The following FRMD5 variants were observed in gnomAD, a reference collection of about 807,000 sequenced individuals.
FRMD5 encodes the protein FERM domain-containing protein 5.
FRMD5 carries 20 observed loss-of-function variants against 69.0 expected under a neutral mutation model. That is an observed-to-expected ratio of 0.29 (90% CI 0.20 to 0.42). The LOEUF (loss-of-function observed/expected upper bound fraction) is 0.42, where lower values mean the gene tolerates loss of function less well. Ranked by LOEUF, FRMD5 falls within the 10% of genes least tolerant of loss-of-function variation. FRMD5 has a pLI of 1.00. For missense variants in FRMD5, 595 were observed against 708.6 expected (o/e 0.84, Z 1.82); for synonymous variants, 271 against 260.1 (o/e 1.04, Z -0.40).
chr15:44,124,943 G>A (rs1262055154), intron 1 of FRMD5, among the ~76,000 whole-genome samples: 1 of 152,132 alleles, frequency 6.6e-6, no homozygotes, highest in African/African-American at 2.4e-5. Flanking sequence ...GGGCAATATA[G>A]TGAGATCTCA....
intron 8 of FRMD5, among the ~76,000 whole-genome samples, chr15:43,890,531 A>G (rs1290858496): frequency 6.6e-6 from 1 of 152,194 alleles, no homozygotes; most frequent in African/African-American, 2.4e-5. Flanking sequence ...AAGAATATCA[A>G]ATAGCCCAGA....
intron 1 of FRMD5, among the ~76,000 whole-genome samples, chr15:44,035,256 C>T (rs1891855847): frequency 6.6e-6 from 1 of 152,130 alleles, no homozygotes; most frequent in Non-Finnish European, 1.5e-5. Context: ...CTTGCCATGC[C>T]ATGCTGACAA....
chr15:43,976,124 A>G (rs1340673608), intron 1 of FRMD5, among the ~76,000 whole-genome samples: 2 of 152,036 alleles, frequency 1.3e-5, no homozygotes, highest in African/African-American at 2.4e-5. Context: ...TTAAAAAAAA[A>G]AAAACTTAAA....
At chr15:44,048,960 G>A (rs529769544) in intron 1 of FRMD5, among the ~76,000 whole-genome samples, 21 of 152,180 alleles carry the variant, frequency 1.4e-4, no homozygotes, top group African/African-American at 5.1e-4. Flanking sequence ...GTACTTCTTG[G>A]CGGAAAGGCA....
At chr15:43,908,853 G>T (rs908493390) in intron 5 of FRMD5, among the ~76,000 whole-genome samples, 1 of 152,134 alleles carries the variant, frequency 6.6e-6, no homozygotes, top group Non-Finnish European at 1.5e-5. Flanking sequence ...TGAGCACACT[G>T]AACTAAAAGG....
intron 1 of FRMD5, among the ~76,000 whole-genome samples, chr15:44,030,852 C>T (rs758148795): frequency 6.6e-6 from 1 of 151,716 alleles, no homozygotes; most frequent in Admixed American, 6.6e-5. Flanking sequence ...CTTAAGAGTG[C>T]AAAGTCTGAA....
intron 1 of FRMD5, among the ~76,000 whole-genome samples, chr15:43,951,053 A>G (rs2090018332): frequency 1.3e-5 from 2 of 152,218 alleles, no homozygotes; most frequent in Non-Finnish European, 1.5e-5. Flanking sequence ...TAATTAGCAT[A>G]TGCATCACCT....
At chr15:44,027,441 C>T (rs142908203) in intron 1 of FRMD5, among the ~76,000 whole-genome samples, 9 of 152,226 alleles carry the variant, frequency 5.9e-5, no homozygotes, top group African/African-American at 2.2e-4. Context: ...GTAACAACCC[C>T]AAATCTTCAT....
intron 1 of FRMD5, among the ~76,000 whole-genome samples, chr15:43,953,399 G>A (rs2090067106): frequency 6.6e-6 from 1 of 152,188 alleles, no homozygotes; most frequent in Non-Finnish European, 1.5e-5. Flanking sequence ...AGATGGGTGG[G>A]AGAGGGAGCA....
chr15:44,136,906 C>A (rs2077195559), intron 1 of FRMD5, among the ~76,000 whole-genome samples: 1 of 152,086 alleles, frequency 6.6e-6, no homozygotes, highest in Admixed American at 6.5e-5. Flanking sequence ...CAAACTCCTG[C>A]ACCCTTCACA....
intron 1 of FRMD5, among the ~76,000 whole-genome samples, chr15:43,939,204 G>C (rs1045190691): frequency 2.0e-5 from 3 of 151,988 alleles, no homozygotes; most frequent in South Asian, 4.1e-4. Flanking sequence ...GAACATTTCT[G>C]AATTTCTATA....
intron 1 of FRMD5, among the ~76,000 whole-genome samples, chr15:44,128,390 T>C (rs1289176768): frequency 6.6e-6 from 1 of 152,038 alleles, no homozygotes; most frequent in Non-Finnish European, 1.5e-5. Context: ...TGAGGCAGAA[T>C]CACTTGAACC....
At chr15:44,076,635 AG>A (rs1893781110) in intron 1 of FRMD5, among the ~76,000 whole-genome samples, 1 of 76,198 alleles carries the variant, frequency 1.3e-5, no homozygotes, top group South Asian at 5.6e-4. Flanking sequence ...GGGTGGGGGG[AG>A]GGGGGAGGGA....
intron 6 of FRMD5, among the ~76,000 whole-genome samples, chr15:43,905,549 A>G (rs946797567): frequency 6.6e-6 from 1 of 152,134 alleles, no homozygotes; most frequent in Non-Finnish European, 1.5e-5. Context: ...ATGCCTTTCA[A>G]AGGCCAATCC....
intron 2 of FRMD5, among the ~76,000 whole-genome samples, chr15:43,923,523 A>C (rs1005690612): frequency 6.6e-6 from 1 of 152,100 alleles, no homozygotes; most frequent in Admixed American, 6.5e-5. Flanking sequence ...AGGCAGGGGA[A>C]CTCTATAGGT....
chr15:44,041,972 A>T (rs1892215740), intron 1 of FRMD5, among the ~76,000 whole-genome samples: 2 of 152,214 alleles, frequency 1.3e-5, no homozygotes, highest in Admixed American at 1.3e-4. Flanking sequence ...AAACCCCTCA[A>T]AAAAATCAAT....
chr15:44,020,295 C>T (rs1251706995), intron 1 of FRMD5, among the ~76,000 whole-genome samples: 6 of 152,102 alleles, frequency 3.9e-5, no homozygotes, highest in Non-Finnish European at 7.3e-5. Context: ...TTTGTTATCA[C>T]GTTTGCTCTT....
At position 43,967,142 on chromosome 15, in the gene FRMD5, C is replaced by T. The variant is rs529431884; in HGVS notation, c.103-42833G>A. ...TTCAATTAAAAATTATTTGGATTTACAGTTTTGTGTCATTTTACAGATTAT... is the reference window on the plus strand; with the variant it reads ...TTCAATTAAAAATTATTTGGATTTATAGTTTTGTGTCATTTTACAGATTAT... On this transcript the variant is annotated intron_variant, in intron 1 of 13. Transcript: ENST00000417257. Among the ~76,000 whole-genome samples the T allele has an allele frequency of 2.0e-5, 3 of 151,990 alleles. No homozygotes were observed. The South Asian group carries it at 6.2e-4, about 32-fold the overall frequency.
intron 1 of FRMD5, among the ~76,000 whole-genome samples, chr15:43,978,917 T>A (rs2090506110): frequency 6.6e-6 from 1 of 152,202 alleles, no homozygotes; most frequent in Non-Finnish European, 1.5e-5. Flanking sequence ...GATTTTTGCA[T>A]GTTAAGTTTG....
Sources: allele counts gnomAD v4.1 joint callset (sites outside exome capture counted in the v4.1 genomes callset), GRCh38; gene constraint gnomAD v4.1.1; transcripts MANE v1.5; gene names NCBI Gene and HGNC (gene_info 2026-07-23, HGNC 2026-07-21).